The following CCDC150 variants were observed in gnomAD, a reference collection of about 807,000 sequenced individuals.
CCDC150 encodes coiled-coil domain containing 150.
CCDC150 carries 151 observed loss-of-function variants against 156.5 expected under a neutral mutation model. The ratio of observed to expected loss-of-function variants is 0.97; its 90% CI spans 0.85 to 1.10. CCDC150 has a LOEUF of 1.10. Ranked by LOEUF, CCDC150 falls within the 50% of genes least tolerant of loss-of-function variation. The pLI, the probability that CCDC150 is intolerant of heterozygous loss-of-function variation, is 0.00. For missense variants in CCDC150, 1,312 were observed against 1,268.1 expected, an observed-to-expected ratio of 1.03 and a Z score of -0.53; for synonymous variants, 452 against 429.4, an observed-to-expected ratio of 1.05 and a Z score of -0.65.
chr2:196,692,434 G>A (rs984438435), intron 13 of CCDC150, among the ~76,000 whole-genome samples: 6 of 152,148 alleles, frequency 3.9e-5, no homozygotes, highest in Non-Finnish European at 1.5e-5. Context: ...GCGCCCGGCC[G>A]AGATCTAATT....
In CCDC150 at chr2:196,729,391, G is replaced by A. The variant is rs767726430; in HGVS notation, c.2751+4G>A. On this transcript the variant is annotated splice_donor_region_variant and intron_variant, in intron 23 of 27. Coordinates refer to ENST00000389175, the MANE Select transcript of CCDC150 (RefSeq NM_001080539.2). ...TCAGAATATAGAAAGGATGAAGGTTGTATGGGAAACCTCTTCTCACTTCCT... is the reference window on the plus strand; with the variant it reads ...TCAGAATATAGAAAGGATGAAGGTTATATGGGAAACCTCTTCTCACTTCCT... 6.2e-7 allele frequency: 1 copy of A among 1,613,442 alleles called. No homozygotes were observed. Among genetic ancestry groups the A allele is most frequent in the South Asian group, 1.1e-5 (1 of 91,030 alleles).
chr2:196,692,685 A>G (rs1695565472), intron 13 of CCDC150, among the ~76,000 whole-genome samples: 1 of 152,232 alleles, frequency 6.6e-6, no homozygotes, highest in African/African-American at 2.4e-5. Context: ...TTGTGGTCCA[A>G]GAGACTGTTA....
At chr2:196,668,295 TAAAA>T (rs55945331) in intron 7 of CCDC150, among the ~76,000 whole-genome samples, 9 of 92,246 alleles carry the variant, frequency 9.8e-5, no homozygotes, top group African/African-American at 1.9e-4. Context: ...AAACTCCATC[TAAAA>T]AAAAAAAAAA....
chr2:196,704,911 A>G (rs1180881440), intron 15 of CCDC150, among the ~76,000 whole-genome samples: 1 of 152,168 alleles, frequency 6.6e-6, no homozygotes, highest in Non-Finnish European at 1.5e-5. Context: ...ATAGTATTGA[A>G]TGGTGTATAT....
Position 196,650,575 on chromosome 2 carries a change from A to C in CCDC150, c.176+4071A>C, listed in dbSNP as rs538815557. Among the ~76,000 whole-genome samples the C allele has an allele frequency of 4.6e-5, 7 of 152,172 alleles. No individual in the cohort carries two copies. The South Asian group carries it at 1.5e-3, about 32-fold the overall frequency. On this transcript the variant is annotated intron_variant, in intron 2 of 27. Transcript: ENST00000389175. Reference sequence around the variant, plus strand: ...CGCCTGGCTAATTTTTGTATTTTCAATAAAGACAGGGTTTCACCATGTTGG... The same window carrying C: ...CGCCTGGCTAATTTTTGTATTTTCACTAAAGACAGGGTTTCACCATGTTGG...
At chr2:196,684,032 G>A (rs971902142) in intron 13 of CCDC150, among the ~76,000 whole-genome samples, 1 of 151,674 alleles carries the variant, frequency 6.6e-6, no homozygotes, top group African/African-American at 2.4e-5. Context: ...TTTGCTTGGG[G>A]TTTAATTTGC....
At chr2:196,666,900 A>G (rs752369745) in intron 7 of CCDC150, 52 bp downstream of exon 7, 8 of 1,600,062 alleles carry the variant, frequency 5.0e-6, no homozygotes, top group African/African-American at 1.3e-5. Flanking sequence ...TGGAGATTTC[A>G]TGGAAAAACT....
chr2:196,724,073 C>T lies in CCDC150; in HGVS notation c.2430-1900C>T, dbSNP rs926419694. Among the ~76,000 whole-genome samples, 4 of 152,148 alleles carry T rather than the reference C, an allele frequency of 2.6e-5. 1 individual carries two copies. Among genetic ancestry groups the T allele is most frequent in the South Asian group, 4.2e-4 (2 of 4,816 alleles). The stretch of plus-strand genomic sequence containing the variant: ...TGGACATTTCTTCCTTTGGGACTAG[C>T]GGGAAGCAGAAGCTGAGTGAGTCTT... On this transcript the variant is annotated intron_variant, in intron 21 of 27. Coordinates refer to ENST00000389175, the MANE Select transcript of CCDC150 (RefSeq NM_001080539.2).
chr2:196,690,144 A>T (rs1237871405), intron 13 of CCDC150, among the ~76,000 whole-genome samples: 1 of 151,220 alleles, frequency 6.6e-6, no homozygotes, highest in African/African-American at 2.4e-5. Flanking sequence ...CAAACACCGC[A>T]TATTCTCACT....
At chr2:196,724,543 T>C (rs1698103352) in intron 21 of CCDC150, among the ~76,000 whole-genome samples, 1 of 152,128 alleles carries the variant, frequency 6.6e-6, no homozygotes, top group Non-Finnish European at 1.5e-5. Flanking sequence ...TATTACCCTA[T>C]GATGGTGGTT....
In CCDC150 at chr2:196,732,056, T is replaced by C; in HGVS notation, c.3093T>C (p.Ala1031=). The C allele has an allele frequency of 6.2e-7, 1 of 1,613,794 alleles. No individual in the cohort carries two copies. The highest frequency in any genetic ancestry group is 2.2e-5 in the East Asian group (1 of 44,872). ...AGATAACAGCTAATCTGGAAGAAGC[T>C]CATCGCTGGTTTAAGCACAGGTTTG... ...SEQITANLEE[A]HRWFKHRFDG... is the part of the protein sequence containing the mutation. The change falls in exon 27 of 28, where the codon GCT becomes GCC. Residue 1031 remains alanine (A), a synonymous_variant. Transcript: ENST00000389175.
At chr2:196,730,569 G>A (rs1481020075) in intron 25 of CCDC150, among the ~76,000 whole-genome samples, 2 of 152,120 alleles carry the variant, frequency 1.3e-5, no homozygotes, top group Non-Finnish European at 2.9e-5. Context: ...TTTCAGTAGG[G>A]TTTGTCATGA....
chr2:196,715,326 T>A (rs984011020), intron 17 of CCDC150, among the ~76,000 whole-genome samples: 8 of 152,172 alleles, frequency 5.3e-5, no homozygotes, highest in African/African-American at 1.7e-4. Context: ...ATATATATAT[T>A]ATTAGGTTTA....
chr2:196,727,703 G>A (rs905272961), intron 22 of CCDC150: 1 of 152,058 alleles, frequency 6.6e-6, no homozygotes, highest in Admixed American at 6.5e-5. Flanking sequence ...TGTACCTTTA[G>A]TCGGAGATCA....
intron 7 of CCDC150, 56 bp from the exon 8 acceptor site, chr2:196,669,777 T>A (rs1694082262): frequency 8.5e-7 from 1 of 1,172,222 alleles, no homozygotes; most frequent in Non-Finnish European, 1.3e-6. Flanking sequence ...TCTCACTATG[T>A]GATTTTAATG....
At chr2:196,646,631 C>A in intron 2 of CCDC150, 127 bp downstream of exon 2, 1 of 715,666 alleles carries the variant, frequency 1.4e-6, no homozygotes. Context: ...ATTTGAGCAT[C>A]ACTTAGAAAA....
intron 15 of CCDC150, among the ~76,000 whole-genome samples, chr2:196,701,405 T>G (rs1696196880): frequency 6.6e-6 from 1 of 152,210 alleles, no homozygotes; most frequent in African/African-American, 2.4e-5. Context: ...CTGTGACTAT[T>G]TGAAACTTTA....
intron 21 of CCDC150, among the ~76,000 whole-genome samples, chr2:196,724,528 C>T (rs1698101552): frequency 6.6e-6 from 1 of 151,954 alleles, no homozygotes; most frequent in Non-Finnish European, 1.5e-5. Context: ...TCCTTTAGTA[C>T]AAACTATTAC....
intron 12 of CCDC150, chr2:196,677,010 C>T (rs2125617441): frequency 1.5e-6 from 1 of 667,346 alleles, no homozygotes; most frequent in Non-Finnish European, 2.8e-6. Context: ...AATTGATTTC[C>T]CCTGAAGGAG....
Sources: allele counts gnomAD v4.1 joint callset (sites outside exome capture counted in the v4.1 genomes callset), GRCh38; gene constraint gnomAD v4.1.1; transcripts MANE v1.5; gene names NCBI Gene and HGNC (gene_info 2026-07-23, HGNC 2026-07-21).